The following RBMS3 variants were observed in gnomAD, a reference collection of about 807,000 sequenced individuals.
The protein encoded by RBMS3 is RNA binding motif single stranded interacting protein 3.
Under a neutral mutation model 66.8 loss-of-function variants are expected in RBMS3, and 27 were observed. The observed-to-expected ratio is 0.40, with a 90% CI of 0.30 to 0.56. The LOEUF is 0.56. Ranked by LOEUF, RBMS3 falls within the 20% of genes least tolerant of loss-of-function variation. The pLI, the probability that RBMS3 is intolerant of heterozygous loss-of-function variation, is 0.40. For missense variants in RBMS3, 513 were observed against 549.5 expected (o/e 0.93, Z 0.66); for synonymous variants, 188 against 183.0 (o/e 1.03, Z -0.22).
chr3:29,766,010 A>G (rs978267438), intron 6 of RBMS3: 2 of 152,012 alleles, frequency 1.3e-5, no homozygotes, highest in African/African-American at 4.8e-5. Flanking sequence ...TGATTCAATT[A>G]TCTCCCACTG....
At chr3:29,825,738 C>G (rs1282661313) in intron 6 of RBMS3, among the ~76,000 whole-genome samples, 1 of 152,166 alleles carries the variant, frequency 6.6e-6, no homozygotes, top group Non-Finnish European at 1.5e-5. Flanking sequence ...TGAGAACAGA[C>G]TAATACACTG....
chr3:29,867,868 G>T (rs993419090), intron 6 of RBMS3, among the ~76,000 whole-genome samples: 1 of 151,854 alleles, frequency 6.6e-6, no homozygotes, highest in Non-Finnish European at 1.5e-5. Context: ...TTGGTTTTCA[G>T]ACTGTAAACT....
At chr3:29,664,776 C>T (rs1443578184) in intron 4 of RBMS3, among the ~76,000 whole-genome samples, 1 of 151,948 alleles carries the variant, frequency 6.6e-6, no homozygotes, top group African/African-American at 2.4e-5. Context: ...AATTAAAACC[C>T]TATTCTATAT....
At chr3:29,603,798 G>A (rs917301156) in intron 4 of RBMS3, among the ~76,000 whole-genome samples, 1 of 151,924 alleles carries the variant, frequency 6.6e-6, no homozygotes, top group Non-Finnish European at 1.5e-5. Flanking sequence ...CTACCTAGAG[G>A]TGTACATTCA....
chr3:30,003,776 G>T (rs1260541495), intron 14 of RBMS3, 80 bp from the exon 15 acceptor site: 11 of 1,003,492 alleles, frequency 1.1e-5, no homozygotes, highest in Non-Finnish European at 1.5e-5. Flanking sequence ...TTTTAAAGCT[G>T]CCTCATTGGA....
intron 4 of RBMS3, among the ~76,000 whole-genome samples, chr3:29,692,880 G>C (rs903640025): frequency 6.6e-6 from 1 of 152,126 alleles, no homozygotes; most frequent in Non-Finnish European, 1.5e-5. Flanking sequence ...TTCAAGTTTA[G>C]TGCTTATATT....
intron 4 of RBMS3, among the ~76,000 whole-genome samples, chr3:29,605,239 TG>T (rs1286250189): frequency 4.0e-5 from 6 of 151,738 alleles, no homozygotes; most frequent in Non-Finnish European, 7.4e-5. Context: ...GAAGAAAAAA[TG>T]AAACATTTTA....
chr3:29,381,700 C>A lies in RBMS3; in HGVS notation c.76-53043C>A, dbSNP rs112900762. ...TAACTCTTATCATATCTGCCCCTGC[C>A]CTATTGCTTTAACTAGAGAGGTTTA... On this transcript the variant is annotated intron_variant, in intron 1 of 14. Transcript: ENST00000383767. Among the ~76,000 whole-genome samples, 380 of 152,230 alleles carry A rather than the reference C, an allele frequency of 2.5e-3. 6 individuals are homozygous for A. The highest frequency in any genetic ancestry group is 8.8e-3 in the African/African-American group (365 of 41,546).
At chr3:29,905,667 A>G (rs2060358990) in intron 10 of RBMS3, among the ~76,000 whole-genome samples, 1 of 152,218 alleles carries the variant, frequency 6.6e-6, no homozygotes, top group South Asian at 2.1e-4. Context: ...AGAGGTGTCC[A>G]ATATTTTGGC....
Position 29,999,455 on chromosome 3 carries a change from C to T in RBMS3, c.1308-4401C>T, listed in dbSNP as rs1237614511. On this transcript the variant is annotated intron_variant, in intron 14 of 14. Coordinates refer to ENST00000383767, the MANE Select transcript of RBMS3 (RefSeq NM_001003793.3). ...TATAAATCATGCTGCTATAAAGGCA[C>T]ATGCACATGTATGTTTATAGCGGCA... 2.6e-5 allele frequency among the ~76,000 whole-genome samples: 4 copies of T among 152,226 alleles called. No individual in the cohort carries two copies. The South Asian group carries it at 6.2e-4, about 24-fold the overall frequency.
At chr3:29,664,037 A>G (rs1225535602) in intron 4 of RBMS3, among the ~76,000 whole-genome samples, 1 of 152,216 alleles carries the variant, frequency 6.6e-6, no homozygotes, top group Non-Finnish European at 1.5e-5. Flanking sequence ...ATATATAAGT[A>G]TGAACCCCTT....
At chr3:29,905,296 C>A (rs1207660231) in intron 10 of RBMS3, among the ~76,000 whole-genome samples, 5 of 152,024 alleles carry the variant, frequency 3.3e-5, no homozygotes, top group Admixed American at 2.6e-4. Context: ...GTATTCCATG[C>A]AAAATACCTT....
intron 4 of RBMS3, among the ~76,000 whole-genome samples, chr3:29,604,703 T>C (rs1013668327): frequency 1.3e-5 from 2 of 152,002 alleles, no homozygotes; most frequent in African/African-American, 4.8e-5. Flanking sequence ...CATATATGAT[T>C]ATGCTTCTGG....
chr3:29,442,880 C>A (rs2041678177), intron 2 of RBMS3, among the ~76,000 whole-genome samples: 1 of 152,016 alleles, frequency 6.6e-6, no homozygotes, highest in Non-Finnish European at 1.5e-5. Flanking sequence ...TTTCTACTTT[C>A]TCTTCTTCTA....
At chr3:29,976,268 T>A (rs1370448818) in intron 12 of RBMS3, among the ~76,000 whole-genome samples, 1 of 152,026 alleles carries the variant, frequency 6.6e-6, no homozygotes, top group East Asian at 1.9e-4. Context: ...CTGAATGGAA[T>A]AATATACCTG....
intron 4 of RBMS3, among the ~76,000 whole-genome samples, chr3:29,610,046 T>C (rs938152193): frequency 1.2e-4 from 18 of 152,094 alleles, no homozygotes; most frequent in Admixed American, 1.0e-3. Flanking sequence ...TAAAAATCAA[T>C]TTTACTTTGA....
chr3:29,641,185 A>G (rs1017980291), intron 4 of RBMS3: 4 of 151,964 alleles, frequency 2.6e-5, no homozygotes, highest in African/African-American at 7.2e-5. Context: ...ATTCATACAT[A>G]TTGTATTTTA....
At chr3:29,362,203 T>C (rs1338670820) in intron 1 of RBMS3, among the ~76,000 whole-genome samples, 2 of 152,240 alleles carry the variant, frequency 1.3e-5, no homozygotes, top group Non-Finnish European at 2.9e-5. Context: ...TCTTTGATGA[T>C]GGTGACGTAC....
At chr3:29,929,410 A>C (rs563895615) in intron 10 of RBMS3, among the ~76,000 whole-genome samples, 1 of 152,308 alleles carries the variant, frequency 6.6e-6, no homozygotes, top group Admixed American at 6.5e-5. Flanking sequence ...GAAATACTTC[A>C]ATATGACATA....
Sources: allele counts gnomAD v4.1 joint callset (sites outside exome capture counted in the v4.1 genomes callset), GRCh38; gene constraint gnomAD v4.1.1; transcripts MANE v1.5; gene names NCBI Gene and HGNC (gene_info 2026-07-23, HGNC 2026-07-21).